Variants in GARNL3 observed in about 807,000 individuals in gnomAD.
The protein encoded by GARNL3 is GTPase activating Rap/RanGAP domain like 3.
A neutral mutation model predicts 125.0 loss-of-function variants in GARNL3; 63 were observed. That is an observed-to-expected ratio of 0.50 (90% CI 0.41 to 0.62). The LOEUF (loss-of-function observed/expected upper bound fraction) is 0.62, where lower values mean the gene tolerates loss of function less well. GARNL3 is among the 20% of genes least tolerant of loss of function. GARNL3 has a pLI of 0.00. For missense variants in GARNL3, 994 were observed against 1,244.0 expected, an observed-to-expected ratio of 0.80 and a Z score of 3.02; for synonymous variants, 439 against 457.5, an observed-to-expected ratio of 0.96 and a Z score of 0.52.
intron 4 of GARNL3, among the ~76,000 whole-genome samples, chr9:127,315,441 A>G (rs910521217): frequency 6.6e-6 from 1 of 152,160 alleles, no homozygotes; most frequent in African/African-American, 2.4e-5. Context: ...GTTCAAGACC[A>G]GCCTGGGCAA....
intron 7 of GARNL3, among the ~76,000 whole-genome samples, chr9:127,330,604 C>T (rs929865213): frequency 2.6e-5 from 4 of 152,148 alleles, no homozygotes; most frequent in African/African-American, 9.7e-5. Context: ...AACAGATACG[C>T]AAGTTCAATA....
In GARNL3 at chr9:127,291,758, C is replaced by T. The variant is rs946586422; in HGVS notation, c.219+516C>T. Among the ~76,000 whole-genome samples the T allele has an allele frequency of 6.1e-5, 9 of 146,538 alleles. No individual in the cohort carries two copies. The East Asian group carries it at 1.8e-3, about 29-fold the overall frequency. ...TTTTTTTTTTTTTTTTTTGCCACTA[C>T]CCTCTCTATCCCACGGGGTCTACCC... On this transcript the variant is annotated intron_variant, in intron 2 of 27. Coordinates refer to ENST00000373387, the MANE Select transcript of GARNL3 (RefSeq NM_032293.5).
intron 2 of GARNL3, chr9:127,245,457 G>A (rs1371909232): frequency 6.6e-6 from 1 of 152,322 alleles, no homozygotes; most frequent in Non-Finnish European, 1.5e-5. Context: ...AAGGAACCCA[G>A]CGGCAGATTC....
At chr9:127,235,056 A>G (rs191234481) in intron 1 of GARNL3, among the ~76,000 whole-genome samples, 64 of 152,326 alleles carry the variant, frequency 4.2e-4, no homozygotes, top group African/African-American at 1.5e-3. Flanking sequence ...CTGCTTGGAA[A>G]GATACCTAGC....
chr9:127,328,227 G>A (rs1028921353), intron 7 of GARNL3, among the ~76,000 whole-genome samples: 2 of 152,068 alleles, frequency 1.3e-5, no homozygotes, highest in Non-Finnish European at 2.9e-5. Flanking sequence ...CTTATTAGGG[G>A]GATATTAGCT....
At chr9:127,303,494 T>A (rs2064860733) in intron 2 of GARNL3, among the ~76,000 whole-genome samples, 1 of 152,206 alleles carries the variant, frequency 6.6e-6, no homozygotes, top group Admixed American at 6.5e-5. Flanking sequence ...TTTCACATTT[T>A]TATAATCAGC....
intron 2 of GARNL3, among the ~76,000 whole-genome samples, chr9:127,293,367 T>C (rs2064485067): frequency 6.6e-6 from 1 of 152,270 alleles, no homozygotes; most frequent in African/African-American, 2.4e-5. Flanking sequence ...TAGACACTTA[T>C]CAGATATATG....
chr9:127,262,904 G>A (rs1314847986), upstream of GARNL3, among the ~76,000 whole-genome samples: 1 of 152,220 alleles, frequency 6.6e-6, no homozygotes, highest in Non-Finnish European at 1.5e-5. Flanking sequence ...TGGAGGCCTA[G>A]AGGCCAGAGA....
intron 17 of GARNL3, among the ~76,000 whole-genome samples, chr9:127,352,230 C>T (rs973792554): frequency 6.6e-6 from 1 of 152,180 alleles, no homozygotes; most frequent in Non-Finnish European, 1.5e-5. Flanking sequence ...GAGGTGTGAC[C>T]TCAGACAAGT....
Position 127,391,533 on chromosome 9 carries a change from A to AAAAAAAAAAAAAAAAAAAAAAAAAAAT in GARNL3, c.2870+767_2870+768insAAAAAAAAAAAAAAAAAAAAAAAAATA. On this transcript the variant is annotated intron_variant, in intron 27 of 27. Transcript: ENST00000373387. ...GCAAGACCCATCTCTACAAAAAAAA[A>AAAAAAAAAAAAAAAAAAAAAAAAAAAT]ATATATATATATATATATAGGCTGG... 6.6e-5 allele frequency among the ~76,000 whole-genome samples: 5 copies of AAAAAAAAAAAAAAAAAAAAAAAAAAAT among 75,868 alleles called. No homozygotes were observed. The South Asian group carries it at 2.8e-3, about 43-fold the overall frequency. The allele number at this position is 75,868 out of a possible 152,430, so 49.8% of individuals were successfully genotyped here.
At chr9:127,240,076 T>C (rs1321100363) in intron 1 of GARNL3, among the ~76,000 whole-genome samples, 4 of 152,216 alleles carry the variant, frequency 2.6e-5, no homozygotes, top group African/African-American at 4.8e-5. Flanking sequence ...TAGAAAGATG[T>C]GTAAGACCTC....
intron 2 of GARNL3, among the ~76,000 whole-genome samples, chr9:127,298,200 G>A (rs1242660346): frequency 2.0e-5 from 3 of 152,016 alleles, no homozygotes; most frequent in Non-Finnish European, 2.9e-5. Flanking sequence ...TTTTTGAGAC[G>A]AAGTCTTGGC....
chr9:127,236,811 T>G (rs1204709748), intron 1 of GARNL3, among the ~76,000 whole-genome samples: 1 of 152,200 alleles, frequency 6.6e-6, no homozygotes, highest in Non-Finnish European at 1.5e-5. Flanking sequence ...TCTTTTATTC[T>G]AAAAGACAAC....
chr9:127,243,842 T>C (rs2063246360), intron 2 of GARNL3, among the ~76,000 whole-genome samples: 1 of 152,186 alleles, frequency 6.6e-6, no homozygotes, highest in Non-Finnish European at 1.5e-5. Flanking sequence ...TGTTATGGTG[T>C]ATGATAATAC....
In GARNL3 at chr9:127,242,975, T is replaced by C. The variant is rs1332448368; in HGVS notation, c.-28-104T>C. On this transcript the variant is annotated intron_variant, in intron 1 of 10. Coordinates refer to the GARNL3 transcript ENST00000439286. This position sits in a 1 kb window ranked among gnomAD's most constrained non-coding sequence, Gnocchi z 4.6. ...GGTGCTTCAGTGTCACCCTCCTCCT[T>C]GCTTACCAGCGGGGCTGCCTTTGGG... 10 of 1,034,460 alleles carry C rather than the reference T, an allele frequency of 9.7e-6. No individual in the cohort carries two copies. The highest frequency in any genetic ancestry group is 1.3e-5 in the Non-Finnish European group (10 of 783,694). The allele number at this position is 1,034,460 out of a possible 1,614,324, so 64.1% of individuals were successfully genotyped here. A position where few individuals can be genotyped will look rare whatever the true frequency, so the allele number is the denominator to read the frequency against.
intron 22 of GARNL3, among the ~76,000 whole-genome samples, chr9:127,382,650 A>T (rs1285577999): frequency 6.6e-6 from 1 of 152,142 alleles, no homozygotes; most frequent in Non-Finnish European, 1.5e-5. Flanking sequence ...TAAAAATGTG[A>T]TGGACCTCTG....
At chr9:127,323,151 C>T (rs2065455313) in intron 6 of GARNL3, among the ~76,000 whole-genome samples, 1 of 152,056 alleles carries the variant, frequency 6.6e-6, no homozygotes, top group South Asian at 2.1e-4. Flanking sequence ...AAAAGTAATG[C>T]CAGTAGGACT....
rs371596690 is a variant in GARNL3 at position 127,385,014 on chromosome 9, C to G, written c.2270-13C>G. On this transcript the variant is annotated splice_polypyrimidine_tract_variant and intron_variant, in intron 23 of 27. Transcript: ENST00000373387. This position sits in a 1 kb window ranked among gnomAD's most constrained non-coding sequence, Gnocchi z 4.1. ...GCCAGCAGCTGGGAGGTGACACTCC[C>G]GTTCCCTTGCAGTCTGTGCTTTCCC... The G allele has an allele frequency of 1.0e-4, 162 of 1,568,178 alleles. 1 individual carries two copies. In the African/African-American group the frequency reaches 1.9e-3, roughly 19 times the overall value.
intron 7 of GARNL3, 86 bp from the exon 8 acceptor site, chr9:127,332,188 T>C: frequency 2.1e-6 from 2 of 934,232 alleles, no homozygotes; most frequent in Non-Finnish European, 3.5e-6. Context: ...TGACTGCCAT[T>C]GTGCTAAGTC....
Sources: allele counts gnomAD v4.1 joint callset (sites outside exome capture counted in the v4.1 genomes callset), GRCh38; gene constraint gnomAD v4.1.1; non-coding constraint Gnocchi (gnomAD v3.1); transcripts MANE v1.5; gene names NCBI Gene and HGNC (gene_info 2026-07-23, HGNC 2026-07-21).